Variants in KIF26A observed in about 807,000 individuals in gnomAD.
KIF26A encodes the protein kinesin family member 26A, also known as kinesin-like protein KIF26A.
In KIF26A, 74 loss-of-function variants were observed where a neutral mutation model predicts 126.0. That is an observed-to-expected ratio of 0.59 (90% CI 0.49 to 0.71). The LOEUF is 0.71. KIF26A is among the 30% of genes least tolerant of loss of function. The pLI, the probability that KIF26A is intolerant of heterozygous loss-of-function variation, is 0.00. For synonymous variants in KIF26A, 1,445 were observed against 1,232.7 expected, an observed-to-expected ratio of 1.17 and a Z score of -3.61; for missense variants, 2,984 against 2,763.3, an observed-to-expected ratio of 1.08 and a Z score of -1.79.
intron 10 of KIF26A, 116 bp from the exon 11 acceptor site, chr14:104,174,010 GTGGGCTGCCTGGGGCCCCACGC>G: frequency 7.2e-7 from 1 of 1,390,096 alleles, no homozygotes; most frequent in Non-Finnish European, 9.6e-7. Flanking sequence ...CTCGCTGCCC[GTGGGCTGCCTGGGGCCCCACGC>G]TGGGCTGGTG....
chr14:104,159,072 A>T (rs962105757), intron 4 of KIF26A, among the ~76,000 whole-genome samples: 1 of 152,180 alleles, frequency 6.6e-6, no homozygotes, highest in African/African-American at 2.4e-5. Flanking sequence ...GCATTGTCGC[A>T]CGCCGTGTGC....
At chr14:104,156,204 C>T (rs935311986) in intron 3 of KIF26A, among the ~76,000 whole-genome samples, 1 of 152,238 alleles carries the variant, frequency 6.6e-6, no homozygotes, top group Non-Finnish European at 1.5e-5. Flanking sequence ...ATCACTCTTT[C>T]CTGTCTGCTC....
intron 4 of KIF26A, among the ~76,000 whole-genome samples, chr14:104,164,825 G>A (rs1358406429): frequency 6.6e-6 from 1 of 151,762 alleles, no homozygotes; most frequent in African/African-American, 2.4e-5. Context: ...CCTTGTCTCT[G>A]TGTGAGTGTC....
chr14:104,171,559 C>T (rs572785852), intron 5 of KIF26A, among the ~76,000 whole-genome samples, 164 bp from the exon 6 acceptor site: 1 of 152,362 alleles, frequency 6.6e-6, no homozygotes, highest in South Asian at 2.1e-4. Flanking sequence ...CATATGGGAT[C>T]TGCTCTCGCC....
intron 5 of KIF26A, among the ~76,000 whole-genome samples, chr14:104,169,257 T>C (rs1171104723): frequency 6.6e-6 from 1 of 152,224 alleles, no homozygotes; most frequent in East Asian, 1.9e-4. Context: ...CAGCCTGGGA[T>C]CGGGGCCCTG....
rs1566866413 is a variant in KIF26A, at chr14:104,177,035, CGTCCAGCCTGAA to C, written c.4249_4260del (p.Ser1417_Lys1420del). 4 of 1,575,780 alleles carry C rather than the reference CGTCCAGCCTGAA, an allele frequency of 2.5e-6. No homozygotes were observed. The highest frequency in any genetic ancestry group is 2.3e-5 in the South Asian group (2 of 87,352). On this transcript the variant is annotated inframe_deletion, in exon 12 of 15. Coordinates refer to ENST00000423312, the MANE Select transcript of KIF26A (RefSeq NM_015656.2). ...GCTGACCACTCTGTCCCCAGGGCCA[CGTCCAGCCTGAA>C]GGCCCGGGCCAGCAAGGTAGAAGCA...
At chr14:104,164,826 T>C (rs147752066) in intron 4 of KIF26A, among the ~76,000 whole-genome samples, 1 of 151,960 alleles carries the variant, frequency 6.6e-6, no homozygotes, top group Non-Finnish European at 1.5e-5. Flanking sequence ...CTTGTCTCTG[T>C]GTGAGTGTCT....
In KIF26A at chr14:104,151,322, G is replaced by A. The variant is rs1385220011; in HGVS notation, c.289-693G>A. On this transcript the variant is annotated intron_variant, in intron 2 of 14. Transcript: ENST00000423312. This position sits in a 1 kb window ranked among gnomAD's most constrained non-coding sequence, Gnocchi z 4.9. ...CTGTGTGTCCCCCCAGTTCAGGGAA[G>A]GGGGCAGTCACCAAACAGGGTGCAT... Among the ~76,000 whole-genome samples the A allele has an allele frequency of 6.6e-6, 1 of 152,102 alleles. No homozygotes were observed. Among genetic ancestry groups the A allele is most frequent in the Non-Finnish European group, 1.5e-5 (1 of 68,002 alleles).
intron 5 of KIF26A, among the ~76,000 whole-genome samples, chr14:104,168,029 G>A (rs1341574213): frequency 6.6e-6 from 1 of 152,176 alleles, no homozygotes; most frequent in African/African-American, 2.4e-5. Context: ...GGGCCTGGGG[G>A]TGCCACAGGC....
chr14:104,156,810 C>A (rs2037782493), intron 3 of KIF26A, among the ~76,000 whole-genome samples: 1 of 152,218 alleles, frequency 6.6e-6, no homozygotes, highest in Non-Finnish European at 1.5e-5. Flanking sequence ...CAGCCCACGT[C>A]CCCTCAGCAC....
intron 5 of KIF26A, 109 bp from the exon 6 acceptor site, chr14:104,171,614 G>T (rs1191345360): frequency 1.1e-6 from 1 of 904,894 alleles, no homozygotes. Context: ...GGGGGTGCCA[G>T]TGTGAGGCCT....
chr14:104,174,839 C>A (rs562962063), intron 11 of KIF26A, 143 bp from the exon 12 acceptor site: 2 of 853,464 alleles, frequency 2.3e-6, no homozygotes, highest in Middle Eastern at 3.1e-4. Flanking sequence ...CCGCTCCCAG[C>A]GTTTGGTGGG....
rs766297365 is a variant in KIF26A at position 104,176,570 on chromosome 14, C to G, written c.3782C>G (p.Pro1261Arg). 6.2e-7 allele frequency: 1 copy of G among 1,607,488 alleles called. No homozygotes were observed. Among genetic ancestry groups the G allele is most frequent in the Non-Finnish European group, 8.5e-7 (1 of 1,179,688 alleles). ...CAGGCAGCTTCTGCTGGCAGGGCCC[C>G]CAGCCCCACACTTGGCTCCCCCCGG... ...DTQAASAGRAPSPTLGSPRLP... is the reference protein window; with the variant it reads ...DTQAASAGRARSPTLGSPRLP... The change falls in exon 12 of 15, where the codon CCC becomes CGC. Residue 1261 changes from proline to arginine, a missense_variant. Physicochemically the swap from Pro to Arg is moderately radical, Grantham distance 103. Transcript: ENST00000423312.
In KIF26A at chr14:104,161,243, C is replaced by T. The variant is rs556291702; in HGVS notation, c.923+3301C>T. The stretch of plus-strand genomic sequence containing the variant: ...TCTGCAGGACCCAGCTGGGGTCCCC[C>T]GATGCCTGCCCTGGTTCCTTGGTGG... On this transcript the variant is annotated intron_variant, in intron 4 of 14. Coordinates refer to ENST00000423312, the MANE Select transcript of KIF26A (RefSeq NM_015656.2). Among the ~76,000 whole-genome samples the T allele has an allele frequency of 4.1e-5, 6 of 146,076 alleles. No individual in the cohort carries two copies. The South Asian group carries it at 6.8e-4, about 17-fold the overall frequency.
In KIF26A at chr14:104,150,218, T is replaced by C. The variant is rs867549424; in HGVS notation, c.289-1797T>C. On this transcript the variant is annotated intron_variant, in intron 2 of 14. Transcript: ENST00000423312. ...CCCCTCCCCCACCCCCTCCTCCTCC[T>C]CCTCCTCCCCCTCCTCCTTCTCTGC... is the stretch of plus-strand genomic sequence containing the variant. 6.6e-3 allele frequency among the ~76,000 whole-genome samples: 499 copies of C among 75,544 alleles called. 5 individuals carry two copies. Among genetic ancestry groups the C allele is most frequent in the African/African-American group, 0.018 (475 of 26,156 alleles). 49.6% of individuals were successfully genotyped at this position (75,544 alleles called of 152,430 possible).
At position 104,177,063 on chromosome 14, in the gene KIF26A, G is replaced by T; in HGVS notation, c.4275G>T (p.Lys1425Asn). 6.3e-7 allele frequency: 1 copy of T among 1,590,990 alleles called. No homozygotes were observed. ...CCAGCCTGAAGGCCCGGGCCAGCAA[G>T]GTAGAAGCAGCACACCGTCTTGCCG... The part of the protein sequence containing the change: ...ATSSLKARAS[K>N]VEAAHRLAGH... The change falls in exon 12 of 15, where the codon AAG (lysine) becomes AAT (asparagine). Residue 1425 changes from lysine (K) to asparagine (N), a missense_variant. Physicochemically the swap from Lys to Asn is moderately conservative, Grantham distance 94. Transcript: ENST00000423312.
At chr14:104,143,296 C>T (rs188584391) in intron 2 of KIF26A, among the ~76,000 whole-genome samples, 29 of 152,310 alleles carry the variant, frequency 1.9e-4, no homozygotes, top group Admixed American at 1.6e-3. Context: ...CTCCTCCCGG[C>T]GAAGCTCCGG....
At chr14:104,156,855 G>T (rs143893626) in intron 3 of KIF26A, among the ~76,000 whole-genome samples, 2 of 152,330 alleles carry the variant, frequency 1.3e-5, no homozygotes, top group East Asian at 3.9e-4. Flanking sequence ...TGGGTACAAA[G>T]GACGCCTCGG....
intron 2 of KIF26A, among the ~76,000 whole-genome samples, chr14:104,140,431 C>T (rs1002267192): frequency 1.3e-5 from 2 of 152,180 alleles, no homozygotes; most frequent in African/African-American, 4.8e-5. Flanking sequence ...TGAGGGCCCC[C>T]TGGAGAGGGC....
Sources: gnomAD v4.1 joint callset for allele counts (sites outside exome capture counted in the v4.1 genomes callset) on GRCh38, gnomAD v4.1.1 for gene constraint, Gnocchi (gnomAD v3.1) non-coding constraint, MANE v1.5 for transcripts, NCBI Gene and HGNC (gene_info 2026-07-23, HGNC 2026-07-21) for gene names.